Variants in LNPK observed in about 807,000 individuals in gnomAD.
The protein encoded by LNPK is endoplasmic reticulum junction formation protein lunapark.
LNPK carries 29 observed loss-of-function variants against 55.2 expected under a neutral mutation model. That is an observed-to-expected ratio of 0.53 (90% CI 0.39 to 0.72). The LOEUF is 0.72. Ranked by LOEUF, LNPK falls within the 30% of genes least tolerant of loss-of-function variation. The pLI is 0.00. For synonymous variants in LNPK, 162 were observed against 168.2 expected (o/e 0.96, Z 0.29); for missense variants, 467 against 494.8 (o/e 0.94, Z 0.53).
Position 175,929,980 on chromosome 2 carries a change from A to T in LNPK, c.1274T>A (p.Leu425Ter). 6.2e-7 allele frequency: 1 copy of T among 1,613,990 alleles called. No homozygotes were observed. The highest frequency in any genetic ancestry group is 2.2e-5 in the East Asian group (1 of 44,864). Reference sequence around the variant, plus strand: ...TGGAAGCATTTACTACTCTGCCGTCAAAGATTCTCCACTTAGTTCAGGATC... The same window carrying T: ...TGGAAGCATTTACTACTCTGCCGTCTAAGATTCTCCACTTAGTTCAGGATC... ...IPDPELSGES[L>*]TAE Residue 425 changes from leucine (L) to a stop codon, truncating the protein, a stop_gained, in exon 13 of 13, where the codon TTG becomes TAG. Coordinates refer to ENST00000272748, the MANE Select transcript of LNPK (RefSeq NM_030650.3). LOFTEE classifies it high-confidence loss of function.
At chr2:175,977,385 T>C (rs1006623118) in intron 5 of LNPK, among the ~76,000 whole-genome samples, 6 of 152,012 alleles carry the variant, frequency 3.9e-5, no homozygotes, top group East Asian at 3.9e-4. Context: ...TATTGAACAG[T>C]AGATACAGAT....
rs1423992902 is a variant in LNPK at position 175,964,520 on chromosome 2, A to C, written c.427T>G (p.Ser143Ala). 1 of 1,608,368 alleles carries C rather than the reference A, an allele frequency of 6.2e-7. No homozygotes were observed. Among genetic ancestry groups the C allele is most frequent in the African/African-American group, 1.3e-5 (1 of 74,808 alleles). ...KLILERFDPDSKKAKECEPPS... is the reference protein window; with the variant it reads ...KLILERFDPDAKKAKECEPPS... ...CACAGTCTTACCTTTGCTTTCTTTG[A>C]GTCCGGATCAAACCTTTCAAGAATT... The change falls in exon 7 of 13, where the codon TCA becomes GCA. Residue 143 changes from serine (S) to alanine (A), a missense_variant. Physicochemically the swap from Ser to Ala is moderately conservative, Grantham distance 99 (BLOSUM62 1). Coordinates refer to ENST00000272748, the MANE Select transcript of LNPK (RefSeq NM_030650.3).
intron 1 of LNPK, among the ~76,000 whole-genome samples, chr2:175,998,088 C>T (rs1052244164): frequency 9.2e-5 from 14 of 152,050 alleles, no homozygotes; most frequent in Admixed American, 5.9e-4. Context: ...ACTATCCCTC[C>T]ATTTTACAAA....
At chr2:175,993,096 AT>A in intron 3 of LNPK, 85 bp downstream of exon 3, 1 of 777,630 alleles carries the variant, frequency 1.3e-6, no homozygotes, top group Non-Finnish European at 2.0e-6. Context: ...CCCATACCAG[AT>A]TTGGTCTCCA....
chr2:175,950,150 T>C (rs1685328154), intron 8 of LNPK, among the ~76,000 whole-genome samples: 1 of 152,060 alleles, frequency 6.6e-6, no homozygotes, highest in African/African-American at 2.4e-5. Context: ...CCCTCATCAA[T>C]GATCAATGAC....
At chr2:175,956,301 T>G (rs1207836922) in intron 8 of LNPK, among the ~76,000 whole-genome samples, 4 of 151,226 alleles carry the variant, frequency 2.6e-5, no homozygotes, top group African/African-American at 9.7e-5. Flanking sequence ...AAAAAAGATT[T>G]CATTTTTAGG....
chr2:175,961,890 G>A (rs1178080280), intron 8 of LNPK, among the ~76,000 whole-genome samples: 1 of 152,140 alleles, frequency 6.6e-6, no homozygotes, highest in East Asian at 1.9e-4. Flanking sequence ...AAAATCACAA[G>A]CATTCTTATA....
intron 5 of LNPK, among the ~76,000 whole-genome samples, chr2:175,977,248 C>G (rs1265986024): frequency 6.6e-6 from 1 of 152,114 alleles, no homozygotes; most frequent in African/African-American, 2.4e-5. Context: ...GATGTACTGT[C>G]TAATGTATTA....
chr2:175,997,709 G>GTGTGTGTGTC (rs1313789398), intron 1 of LNPK, among the ~76,000 whole-genome samples: 6 of 140,180 alleles, frequency 4.3e-5, no homozygotes, highest in African/African-American at 1.7e-4. Context: ...AATGCTCTGT[G>GTGTGTGTGTC]TGTGTGTGTG....
chr2:175,958,373 C>A (rs530084194), intron 8 of LNPK, among the ~76,000 whole-genome samples: 1 of 152,298 alleles, frequency 6.6e-6, no homozygotes, highest in South Asian at 2.1e-4. Context: ...CAGGAAGGAT[C>A]AGGCAGCAAT....
At chr2:175,934,629 C>T (rs1574804386) in intron 12 of LNPK, among the ~76,000 whole-genome samples, 1 of 152,008 alleles carries the variant, frequency 6.6e-6, no homozygotes, top group East Asian at 1.9e-4. Flanking sequence ...TTATCACATA[C>T]CATAAAAAGA....
chr2:175,998,622 C>T (rs946522772), intron 1 of LNPK, among the ~76,000 whole-genome samples: 3 of 152,016 alleles, frequency 2.0e-5, no homozygotes, highest in African/African-American at 7.3e-5. Flanking sequence ...ATGAAACCAC[C>T]TCTGACATTA....
chr2:175,934,923 TCTC>T (rs1194961759), intron 12 of LNPK, among the ~76,000 whole-genome samples: 1 of 152,064 alleles, frequency 6.6e-6, no homozygotes, highest in Admixed American at 6.6e-5. Context: ...TTCTTCTAGG[TCTC>T]CTCCTTTGAT....
chr2:175,953,661 TA>T (rs1447539078), intron 8 of LNPK, among the ~76,000 whole-genome samples: 1 of 151,840 alleles, frequency 6.6e-6, no homozygotes, highest in African/African-American at 2.4e-5. Context: ...GCTATTGCTG[TA>T]ACCTTATCTA....
At chr2:175,996,688 C>T (rs1168126326) in intron 1 of LNPK, among the ~76,000 whole-genome samples, 1 of 152,108 alleles carries the variant, frequency 6.6e-6, no homozygotes, top group African/African-American at 2.4e-5. Context: ...TGTTCAATGC[C>T]CAAATAAACA....
rs1383958047 is a variant in LNPK at position 175,937,340 on chromosome 2, A to G, written c.1054+4T>C. 2 of 1,612,162 alleles carry G rather than the reference A, an allele frequency of 1.2e-6. No homozygotes were observed. The highest frequency in any genetic ancestry group is 1.7e-6 in the Non-Finnish European group (2 of 1,179,116). On this transcript the variant is annotated splice_donor_region_variant and intron_variant, in intron 12 of 12. Transcript: ENST00000272748. ...AGGGGCAAAACTGTTTAACATATTC[A>G]TACCTTCATTAAACTGGTTGTCTGA...
chr2:175,944,932 C>T (rs1285641946), intron 9 of LNPK, among the ~76,000 whole-genome samples: 2 of 151,408 alleles, frequency 1.3e-5, no homozygotes, highest in Non-Finnish European at 2.9e-5. Context: ...ATCAAGTACA[C>T]TTTGTTTTTT....
intron 9 of LNPK, among the ~76,000 whole-genome samples, chr2:175,946,359 T>C (rs1460274294): frequency 6.6e-6 from 1 of 152,188 alleles, no homozygotes; most frequent in East Asian, 1.9e-4. Flanking sequence ...ATTAGTAATT[T>C]TCAATCAATT....
chr2:175,939,624 G>A lies in LNPK; in HGVS notation c.740C>T (p.Pro247Leu), dbSNP rs763756428. 11 of 1,603,892 alleles carry A rather than the reference G, an allele frequency of 6.9e-6. No homozygotes were observed. The highest frequency in any genetic ancestry group is 9.4e-6 in the Non-Finnish European group (11 of 1,172,906). Reference protein sequence around the residue: ...LHPPGPPLARPILPRERGALD... With the variant: ...LHPPGPPLARLILPRERGALD... ...AGCACCTCGTTCTCGGGGGAGAATA[G>A]GTCTTGCTAAAGGTGGACCTGGAGG... is the stretch of plus-strand genomic sequence containing the variant. The change falls in exon 10 of 13, where the codon CCT becomes CTT. Residue 247 changes from proline (P) to leucine (L), a missense_variant. Transcript: ENST00000272748.
Sources: allele counts gnomAD v4.1 joint callset (sites outside exome capture counted in the v4.1 genomes callset), GRCh38; gene constraint gnomAD v4.1.1; transcripts MANE v1.5; gene names NCBI Gene and HGNC (gene_info 2026-07-23, HGNC 2026-07-21).